The following GALNT13 variants were observed in gnomAD, a reference collection of about 807,000 sequenced individuals.
The protein encoded by GALNT13 is UDP-GalNAc:polypeptide N-acetylgalactosaminyltransferase 13.
Under a neutral mutation model 64.2 loss-of-function variants are expected in GALNT13, and 28 were observed. The observed-to-expected ratio is 0.44, with a 90% confidence interval of 0.32 to 0.60. The LOEUF is 0.60. Ranked by LOEUF, GALNT13 falls within the 20% of genes least tolerant of loss-of-function variation. GALNT13 has a pLI of 0.05. For synonymous variants in GALNT13, 214 were observed against 224.6 expected (o/e 0.95, Z 0.42); for missense variants, 577 against 669.8 (o/e 0.86, Z 1.53).
chr2:153,177,985 C>CT, the GALNT13 span, among the ~76,000 whole-genome samples: 2 of 152,136 alleles, frequency 1.3e-5, no homozygotes, highest in Non-Finnish European at 2.9e-5. Flanking sequence ...CCGTGACTGA[C>CT]TTATTTCACT....
chr2:153,320,068 C>T, the GALNT13 span, among the ~76,000 whole-genome samples: 1 of 152,190 alleles, frequency 6.6e-6, no homozygotes, highest in Admixed American at 6.5e-5. Context: ...CTGGGTTGCA[C>T]TCTTCATCAA....
chr2:153,698,335 A>G, the GALNT13 span, among the ~76,000 whole-genome samples: 116,366 of 151,978 alleles, frequency 0.77, 45,812 homozygotes, highest in Non-Finnish European at 0.86. Context: ...TCAGTGTGCT[A>G]TATTCAGGAG....
chr2:154,348,252 A>T (rs139601068), intron 9 of GALNT13, among the ~76,000 whole-genome samples: 368 of 152,238 alleles, frequency 2.4e-3, no homozygotes, highest in Non-Finnish European at 4.1e-3. Flanking sequence ...ATACGGTGTC[A>T]TACTTTAAAT....
At chr2:153,921,725 G>A (rs959885866) in intron 2 of GALNT13, among the ~76,000 whole-genome samples, 3 of 152,114 alleles carry the variant, frequency 2.0e-5, no homozygotes, top group Non-Finnish European at 4.4e-5. Context: ...GAGAGATACA[G>A]TGTTTTCTCC....
the GALNT13 span, among the ~76,000 whole-genome samples, chr2:153,466,900 C>T: frequency 0.031 from 4,766 of 152,020 alleles, 99 homozygotes; most frequent in Middle Eastern, 0.071. Context: ...GGAATGGAGA[C>T]TACCTCATTC....
intron 3 of GALNT13, among the ~76,000 whole-genome samples, chr2:153,988,177 A>G (rs1694929852): frequency 6.6e-6 from 1 of 151,798 alleles, no homozygotes; most frequent in African/African-American, 2.4e-5. Flanking sequence ...TTATGGTAAA[A>G]CATTTGTAAT....
chr2:154,296,530 G>A (rs1186026931), intron 8 of GALNT13, among the ~76,000 whole-genome samples: 1 of 152,188 alleles, frequency 6.6e-6, no homozygotes, highest in African/African-American at 2.4e-5. Flanking sequence ...TCACAATAAA[G>A]AGAAGACCTT....
At chr2:153,333,026 C>T in the GALNT13 span, among the ~76,000 whole-genome samples, 3,194 of 152,270 alleles carry the variant, frequency 0.021, 123 homozygotes, top group African/African-American at 0.071. Flanking sequence ...AGTGCTAAGA[C>T]GCTTTCCACA....
At chr2:154,158,868 A>G (rs1368159180) in intron 4 of GALNT13, among the ~76,000 whole-genome samples, 1 of 152,174 alleles carries the variant, frequency 6.6e-6, no homozygotes, top group African/African-American at 2.4e-5. Context: ...AACAGTAGTC[A>G]TAAATGGGTT....
chr2:154,296,269 A>T (rs148228438), intron 8 of GALNT13, among the ~76,000 whole-genome samples: 99 of 152,300 alleles, frequency 6.5e-4, no homozygotes, highest in African/African-American at 2.2e-3. Flanking sequence ...ATAGCTTCAG[A>T]ATTCACTAGA....
At chr2:154,094,197 C>T (rs567646316) in intron 3 of GALNT13, among the ~76,000 whole-genome samples, 1 of 152,038 alleles carries the variant, frequency 6.6e-6, no homozygotes, top group Admixed American at 6.6e-5. Flanking sequence ...GGACAAGGTC[C>T]TATGAAACTA....
chr2:154,449,378 C>T (rs1406579510), intron 12 of GALNT13, among the ~76,000 whole-genome samples: 5 of 146,698 alleles, frequency 3.4e-5, no homozygotes, highest in Non-Finnish European at 6.0e-5. Flanking sequence ...TTTTATGGCC[C>T]ACCCCTTACA....
chr2:153,498,854 C>CT, the GALNT13 span, among the ~76,000 whole-genome samples: 7,984 of 146,796 alleles, frequency 0.054, 477 homozygotes, highest in African/African-American at 0.15. Context: ...TAAGTTCGTT[C>CT]TTTTTTTTTT....
the GALNT13 span, among the ~76,000 whole-genome samples, chr2:153,721,914 C>G: frequency 1.3e-5 from 2 of 150,320 alleles, no homozygotes; most frequent in East Asian, 3.9e-4. Flanking sequence ...AGAAAGTCAA[C>G]AAGGATACCC....
At chr2:153,748,404 AAG>A in the GALNT13 span, among the ~76,000 whole-genome samples, 1 of 152,146 alleles carries the variant, frequency 6.6e-6, no homozygotes, top group Non-Finnish European at 1.5e-5. Flanking sequence ...GAAAGTGTAC[AAG>A]AGTTCCCTTT....
At chr2:153,121,464 C>G in the GALNT13 span, among the ~76,000 whole-genome samples, 6 of 152,188 alleles carry the variant, frequency 3.9e-5, no homozygotes, top group Non-Finnish European at 8.8e-5. Flanking sequence ...CCATTCTCCT[C>G]AATTAACTAC....
chr2:153,247,074 C>A, the GALNT13 span, among the ~76,000 whole-genome samples: 3 of 152,154 alleles, frequency 2.0e-5, no homozygotes, highest in Non-Finnish European at 4.4e-5. Context: ...GTAAAGGGAT[C>A]AATGCAACAA....
chr2:153,441,481 G>C, the GALNT13 span, among the ~76,000 whole-genome samples: 1 of 152,182 alleles, frequency 6.6e-6, no homozygotes, highest in African/African-American at 2.4e-5. Context: ...CTAATTCAGT[G>C]AGGAAAGTCA....
intron 3 of GALNT13, among the ~76,000 whole-genome samples, chr2:153,966,753 T>G (rs1055634283): frequency 2.0e-5 from 3 of 152,048 alleles, no homozygotes; most frequent in Non-Finnish European, 4.4e-5. Flanking sequence ...ATCTTCTTGG[T>G]GTTCTTTGTT....
Sources: gnomAD v4.1 joint callset for allele counts (sites outside exome capture counted in the v4.1 genomes callset) on GRCh38, gnomAD v4.1.1 for gene constraint, MANE v1.5 for transcripts, NCBI Gene and HGNC (gene_info 2026-07-23, HGNC 2026-07-21) for gene names.